PPM1E: variants seen among roughly 807,000 people sequenced by gnomAD.
PPM1E encodes the protein protein phosphatase, Mg2+/Mn2+ dependent 1E, also known as protein phosphatase 1E.
PPM1E carries 20 observed loss-of-function variants against 65.9 expected under a neutral mutation model. The observed-to-expected ratio is 0.30, with a 90% confidence interval of 0.21 to 0.44. PPM1E has a LOEUF of 0.44. Ranked by LOEUF, PPM1E falls within the 20% of genes least tolerant of loss-of-function variation. The probability of loss-of-function intolerance (pLI) is 1.00; values close to 1 mark genes in which losing one functional copy is unlikely to be tolerated. For missense variants in PPM1E, 713 were observed against 953.1 expected, an observed-to-expected ratio of 0.75 and a Z score of 3.32; for synonymous variants, 352 against 374.9, an observed-to-expected ratio of 0.94 and a Z score of 0.70.
chr17:58,851,056 C>T (rs2050821184), intron 1 of PPM1E, among the ~76,000 whole-genome samples: 1 of 152,202 alleles, frequency 6.6e-6, no homozygotes, highest in South Asian at 2.1e-4. Flanking sequence ...CTTTCTTCCA[C>T]TTGATCAAAT....
intron 1 of PPM1E, among the ~76,000 whole-genome samples, chr17:58,768,632 G>T (rs908161769): frequency 2.6e-5 from 4 of 152,126 alleles, no homozygotes; most frequent in African/African-American, 9.7e-5. Context: ...TGAAAGAAAA[G>T]AAAAAGTTAA....
chr17:58,759,823 G>C (rs1165391711), intron 1 of PPM1E, among the ~76,000 whole-genome samples: 1 of 152,162 alleles, frequency 6.6e-6, no homozygotes, highest in East Asian at 1.9e-4. Context: ...TAATAATTCA[G>C]TTACATTGAA....
intron 1 of PPM1E, among the ~76,000 whole-genome samples, chr17:58,940,296 G>T (rs891153236): frequency 5.3e-5 from 8 of 152,224 alleles, no homozygotes; most frequent in African/African-American, 1.9e-4. Context: ...AAATATATTT[G>T]CAATTCTGAT....
chr17:58,885,214 G>C (rs186913966), intron 1 of PPM1E, among the ~76,000 whole-genome samples: 607 of 152,158 alleles, frequency 4.0e-3, no homozygotes, highest in Admixed American at 7.3e-3. Context: ...TTGCCACCAC[G>C]CCTGGCTAAT....
At chr17:58,855,621 G>A (rs1161159417) in intron 1 of PPM1E, among the ~76,000 whole-genome samples, 1 of 152,178 alleles carries the variant, frequency 6.6e-6, no homozygotes, top group Admixed American at 6.5e-5. Context: ...AGGGATGTTG[G>A]AATTATCAGA....
chr17:58,777,921 T>A (rs1253047561), intron 1 of PPM1E, among the ~76,000 whole-genome samples: 2 of 152,138 alleles, frequency 1.3e-5, no homozygotes, highest in Non-Finnish European at 2.9e-5. Flanking sequence ...ACATCACTTA[T>A]TGGTTTGATA....
At chr17:58,759,255 C>CA (rs550747399) in intron 1 of PPM1E, among the ~76,000 whole-genome samples, 3 of 147,906 alleles carry the variant, frequency 2.0e-5, no homozygotes, top group Non-Finnish European at 4.5e-5. Flanking sequence ...GACGTTGTCT[C>CA]AAAAAAAAAA....
At chr17:58,891,995 A>G (rs2051353541) in intron 1 of PPM1E, among the ~76,000 whole-genome samples, 1 of 151,806 alleles carries the variant, frequency 6.6e-6, no homozygotes, top group South Asian at 2.1e-4. Context: ...GCCACCATGC[A>G]TGGCTAATTT....
intron 1 of PPM1E, among the ~76,000 whole-genome samples, chr17:58,881,234 T>C (rs1449573410): frequency 1.3e-5 from 2 of 152,096 alleles, no homozygotes; most frequent in African/African-American, 2.4e-5. Context: ...CTTCCAGAAA[T>C]AGAAATACAG....
chr17:58,763,758 T>C (rs189223961), intron 1 of PPM1E, among the ~76,000 whole-genome samples: 1 of 152,176 alleles, frequency 6.6e-6, no homozygotes, highest in Non-Finnish European at 1.5e-5. Context: ...CCGTGAAGCT[T>C]GTATTTTAAC....
intron 1 of PPM1E, among the ~76,000 whole-genome samples, chr17:58,905,677 T>C (rs1011381361): frequency 7.9e-5 from 12 of 152,134 alleles, no homozygotes; most frequent in Admixed American, 7.9e-4. Context: ...AGTTTTTTTT[T>C]CTTGTAACAT....
chr17:58,880,217 G>A (rs982350341), intron 1 of PPM1E, among the ~76,000 whole-genome samples: 2 of 152,156 alleles, frequency 1.3e-5, no homozygotes, highest in African/African-American at 2.4e-5. Flanking sequence ...TATAGGGAGG[G>A]TGTCTTTCAC....
intron 1 of PPM1E, among the ~76,000 whole-genome samples, chr17:58,888,292 G>A (rs1163656499): frequency 5.2e-5 from 5 of 95,364 alleles, no homozygotes; most frequent in South Asian, 3.2e-4. Flanking sequence ...TGAAAACTTC[G>A]TCTGTTTTTT....
intron 1 of PPM1E, among the ~76,000 whole-genome samples, chr17:58,795,169 G>A (rs933542446): frequency 2.0e-5 from 3 of 152,256 alleles, no homozygotes; most frequent in East Asian, 3.9e-4. Flanking sequence ...TGAGATTACA[G>A]GCATGATCCA....
At chr17:58,933,425 A>G (rs1279813094) in intron 1 of PPM1E, among the ~76,000 whole-genome samples, 1 of 152,214 alleles carries the variant, frequency 6.6e-6, no homozygotes. Flanking sequence ...GATGCCTTCT[A>G]CCATGGGGGG....
chr17:58,913,673 G>A (rs1037107847), intron 1 of PPM1E, among the ~76,000 whole-genome samples: 1 of 152,148 alleles, frequency 6.6e-6, no homozygotes, highest in African/African-American at 2.4e-5. Flanking sequence ...AGTTGGGGAT[G>A]AACTCATAGG....
At chr17:58,925,939 C>T (rs1348590005) in intron 1 of PPM1E, among the ~76,000 whole-genome samples, 3 of 152,148 alleles carry the variant, frequency 2.0e-5, no homozygotes, top group Non-Finnish European at 4.4e-5. Context: ...CATTAACTTA[C>T]ATTCTCATCA....
In PPM1E at chr17:58,982,967, A is replaced by T; in HGVS notation, c.*1936A>T. The T allele has an allele frequency of 6.5e-7, 1 of 1,541,278 alleles. No homozygotes were observed. The highest frequency in any genetic ancestry group is 8.8e-7 in the Non-Finnish European group (1 of 1,134,074). On this transcript the variant is annotated 3_prime_UTR_variant, in exon 7 of 7. Transcript: ENST00000308249. ...AGGCAGCAGACTATTGGTACACATT[A>T]TAGTCCAAAGTGCTTAGCGAAGTAA...
At chr17:58,949,247 G>T (rs1261120361) in intron 1 of PPM1E, among the ~76,000 whole-genome samples, 1 of 152,034 alleles carries the variant, frequency 6.6e-6, no homozygotes, top group Admixed American at 6.5e-5. Flanking sequence ...ACTATATAAT[G>T]TCCTTCTTTG....
Sources: gnomAD v4.1 joint callset for allele counts (sites outside exome capture counted in the v4.1 genomes callset) on GRCh38, gnomAD v4.1.1 for gene constraint, MANE v1.5 for transcripts, NCBI Gene and HGNC (gene_info 2026-07-23, HGNC 2026-07-21) for gene names.